Variants in ETV1 observed in about 807,000 individuals in gnomAD.
The protein encoded by ETV1 is ETS variant transcription factor 1, also known as ETS translocation variant 1.
ETV1 carries 27 observed loss-of-function variants against 62.3 expected under a neutral mutation model. The observed-to-expected ratio is 0.43, with a 90% CI of 0.32 to 0.60. The LOEUF (loss-of-function observed/expected upper bound fraction) is 0.60, where lower values mean the gene tolerates loss of function less well. Among genes scored for constraint, ETV1 ranks in the 20% least tolerant of loss-of-function variants. ETV1 has a pLI of 0.06. For synonymous variants in ETV1, 222 were observed against 199.6 expected (o/e 1.11, Z -0.94); for missense variants, 605 against 605.8 (o/e 1.00, Z 0.01).
chr7:13,943,601 A>G (rs1238183232), intron 6 of ETV1, among the ~76,000 whole-genome samples: 1 of 152,210 alleles, frequency 6.6e-6, no homozygotes, highest in Non-Finnish European at 1.5e-5. Context: ...GATAGCAAAA[A>G]CTGGAAAAAC....
At chr7:13,943,273 C>T (rs993426168) in intron 6 of ETV1, among the ~76,000 whole-genome samples, 1 of 152,136 alleles carries the variant, frequency 6.6e-6, no homozygotes, top group African/African-American at 2.4e-5. Flanking sequence ...CTTCAGAAAA[C>T]TGCAAAATAA....
chr7:13,969,485 G>C (rs917664912), intron 6 of ETV1, among the ~76,000 whole-genome samples: 1 of 152,106 alleles, frequency 6.6e-6, no homozygotes, highest in Non-Finnish European at 1.5e-5. Context: ...AATTGCAAAA[G>C]ACTGATACTG....
At chr7:13,986,049 A>AT in intron 5 of ETV1, 1 of 1,273,176 alleles carries the variant, frequency 7.9e-7, no homozygotes, top group Non-Finnish European at 1.1e-6. Flanking sequence ...CATGGAAAAC[A>AT]TTTTTAAAAT....
chr7:13,934,933 G>C (rs913703611), intron 8 of ETV1, among the ~76,000 whole-genome samples: 1 of 152,146 alleles, frequency 6.6e-6, no homozygotes, highest in African/African-American at 2.4e-5. Context: ...GCATACAGAA[G>C]CACAGGGCAG....
intron 9 of ETV1, among the ~76,000 whole-genome samples, chr7:13,917,763 G>C (rs1358700845): frequency 6.6e-6 from 1 of 151,992 alleles, no homozygotes; most frequent in African/African-American, 2.4e-5. Flanking sequence ...AGGAGATCGA[G>C]ACCATCCTGG....
At chr7:13,981,101 A>T (rs912469152) in intron 5 of ETV1, among the ~76,000 whole-genome samples, 1 of 151,968 alleles carries the variant, frequency 6.6e-6, no homozygotes, top group Non-Finnish European at 1.5e-5. Flanking sequence ...GTTTTTTTTT[A>T]AAGCTAAGGA....
chr7:13,911,234 C>G lies in ETV1; in HGVS notation c.871+5G>C. On this transcript the variant is annotated splice_donor_5th_base_variant and intron_variant, in intron 10 of 13. Coordinates refer to ENST00000430479, the MANE Select transcript of ETV1 (RefSeq NM_004956.5). ...TACACGGAATTTCAGTGGTGGACAA[C>G]TTAACTTCTGTTCTGCTGGGATGAG... 1 of 1,609,488 alleles carries G rather than the reference C, an allele frequency of 6.2e-7. No individual in the cohort carries two copies. Among genetic ancestry groups the G allele is most frequent in the Non-Finnish European group, 8.5e-7 (1 of 1,176,046 alleles).
upstream of ETV1, chr7:13,989,879 G>A (rs985885945): frequency 5.9e-6 from 2 of 340,512 alleles, no homozygotes; most frequent in African/African-American, 4.2e-5. Flanking sequence ...TCCTCAGCCT[G>A]GAAGCGCCAC....
At chr7:13,944,101 C>T (rs1787882584) in intron 6 of ETV1, among the ~76,000 whole-genome samples, 1 of 152,098 alleles carries the variant, frequency 6.6e-6, no homozygotes, top group South Asian at 2.1e-4. Flanking sequence ...TAGCATGGAC[C>T]TAGAAGCAAA....
intron 5 of ETV1, among the ~76,000 whole-genome samples, chr7:13,981,429 C>A (rs1272935307): frequency 1.3e-5 from 2 of 152,132 alleles, no homozygotes; most frequent in South Asian, 2.1e-4. Context: ...TATAAACACA[C>A]CAATTTTATT....
intron 6 of ETV1, among the ~76,000 whole-genome samples, chr7:13,965,420 A>G (rs1790670883): frequency 6.6e-6 from 1 of 151,966 alleles, no homozygotes; most frequent in African/African-American, 2.4e-5. Context: ...TTCAAAAACT[A>G]TTAGTGAAAC....
chr7:13,980,730 A>C (rs2128505616), intron 5 of ETV1, among the ~76,000 whole-genome samples: 1 of 152,240 alleles, frequency 6.6e-6, no homozygotes. Flanking sequence ...TTAAAAGGGC[A>C]GTATCTGCAC....
intron 10 of ETV1, among the ~76,000 whole-genome samples, chr7:13,910,065 G>T (rs1783405855): frequency 6.6e-6 from 1 of 151,926 alleles, no homozygotes; most frequent in Admixed American, 6.6e-5. Context: ...ATTGTTCAAT[G>T]AAAAAGTGAG....
chr7:13,900,542 A>G (rs141357564), intron 13 of ETV1, 196 bp downstream of exon 13: 2 of 509,990 alleles, frequency 3.9e-6, no homozygotes, highest in East Asian at 6.2e-5. Context: ...TGTATACAAT[A>G]TCACTACACA....
chr7:13,978,529 A>T (rs771233479), intron 5 of ETV1, among the ~76,000 whole-genome samples: 9 of 152,062 alleles, frequency 5.9e-5, no homozygotes, highest in Non-Finnish European at 8.8e-5. Context: ...CATTAGTGTT[A>T]CGTAATACTG....
At chr7:13,918,715 G>C (rs529744174) in intron 9 of ETV1, among the ~76,000 whole-genome samples, 1 of 151,108 alleles carries the variant, frequency 6.6e-6, no homozygotes, top group Admixed American at 6.6e-5. Context: ...CACACTCTGG[G>C]GACTGTGGTG....
intron 6 of ETV1, among the ~76,000 whole-genome samples, chr7:13,968,920 C>A (rs1216599712): frequency 6.6e-6 from 1 of 152,036 alleles, no homozygotes; most frequent in Non-Finnish European, 1.5e-5. Context: ...GCAAGAGAGC[C>A]TACTTGCAAG....
intron 3 of ETV1, 46 bp downstream of exon 3, chr7:13,988,962 G>T: frequency 2.5e-6 from 2 of 791,600 alleles, no homozygotes; most frequent in Non-Finnish European, 3.5e-6. Flanking sequence ...CCCCACCCCC[G>T]ACGGAGTCAA....
At chr7:13,986,844 A>G (rs1354820513) in intron 4 of ETV1, 159 bp from the exon 5 acceptor site, 17 of 606,960 alleles carry the variant, frequency 2.8e-5, no homozygotes, top group African/African-American at 1.3e-4. Flanking sequence ...AAATATCTCA[A>G]TAATACTGCC....
Sources: allele counts gnomAD v4.1 joint callset (sites outside exome capture counted in the v4.1 genomes callset), GRCh38; gene constraint gnomAD v4.1.1; transcripts MANE v1.5; gene names NCBI Gene and HGNC (gene_info 2026-07-23, HGNC 2026-07-21).